GAK: variants seen among roughly 807,000 people sequenced by gnomAD.
GAK encodes the protein cyclin-G-associated kinase.
A neutral mutation model predicts 143.9 loss-of-function variants in GAK; 79 were observed. The ratio of observed to expected loss-of-function variants is 0.55; its 90% CI spans 0.46 to 0.66. The LOEUF (loss-of-function observed/expected upper bound fraction) is 0.66. Among genes scored for constraint, GAK ranks in the 30% least tolerant of loss-of-function variants. GAK has a pLI of 0.00. For synonymous variants in GAK, 881 were observed against 765.5 expected, an observed-to-expected ratio of 1.15 and a Z score of -2.49; for missense variants, 1,693 against 1,779.7, an observed-to-expected ratio of 0.95 and a Z score of 0.88.
intron 17 of GAK, among the ~76,000 whole-genome samples, chr4:876,885 G>T (rs540387406): frequency 2.6e-5 from 4 of 152,384 alleles, no homozygotes; most frequent in Non-Finnish European, 5.9e-5. Context: ...GGAAACGCCA[G>T]GCTTTTCAGG....
intron 17 of GAK, 87 bp from the exon 18 acceptor site, chr4:876,696 C>G (rs571275924): frequency 6.4e-4 from 736 of 1,141,524 alleles, no homozygotes; most frequent in Admixed American, 1.5e-3. Context: ...TGGGCGAGAT[C>G]TGAGAGCGGC....
chr4:855,166 T>G (rs968427981), intron 24 of GAK, among the ~76,000 whole-genome samples: 22 of 152,198 alleles, frequency 1.4e-4, no homozygotes, highest in Non-Finnish European at 2.8e-4. Context: ...AGGCTACAGA[T>G]GCACACAGGA....
In GAK at chr4:898,819, C is replaced by T. The variant is rs375090712; in HGVS notation, c.526-661G>A. ...CGGAGGCTGCAGTGAACCGAGATTG[C>T]GCCGCTGCACTCCAGCCTGGGTGAC... On this transcript the variant is annotated intron_variant, in intron 5 of 27. Coordinates refer to ENST00000314167, the MANE Select transcript of GAK (RefSeq NM_005255.4). Among the ~76,000 whole-genome samples, 40 of 152,066 alleles carry T rather than the reference C, an allele frequency of 2.6e-4. 2 individuals are homozygous for T. The highest frequency in any genetic ancestry group is 1.2e-3 in the Admixed American group (19 of 15,278).
chr4:849,833 G>GGGGCGGGCCCCCCCC, intron 27 of GAK, 59 bp from the exon 28 acceptor site: 1 of 1,190,154 alleles, frequency 8.4e-7, no homozygotes, highest in Non-Finnish European at 1.2e-6. Context: ...GGCGGGGCAG[G>GGGGCGGGCCCCCCCC]ACCCCCCCCC....
intron 14 of GAK, 145 bp downstream of exon 14, chr4:882,552 A>C (rs1257334354): frequency 2.8e-6 from 3 of 1,074,684 alleles, no homozygotes; most frequent in Non-Finnish European, 4.0e-6. Flanking sequence ...CCAGACCCAA[A>C]GACACCAAGC....
intron 1 of GAK, among the ~76,000 whole-genome samples, chr4:926,762 T>G (rs1724814865): frequency 6.6e-6 from 1 of 151,892 alleles, no homozygotes; most frequent in African/African-American, 2.4e-5. Flanking sequence ...AATCTGGGCC[T>G]CACAGGCCTG....
At chr4:859,528 AG>A in intron 24 of GAK, 77 bp downstream of exon 24, 1 of 1,595,074 alleles carries the variant, frequency 6.3e-7, no homozygotes, top group Non-Finnish European at 8.6e-7. Flanking sequence ...CACTTTGGGC[AG>A]CTCAGAGTCA....
At chr4:849,833 G>GGGCCCCCCCCCCCCCCC in intron 27 of GAK, 59 bp from the exon 28 acceptor site, 3 of 1,190,152 alleles carry the variant, frequency 2.5e-6, no homozygotes, top group Non-Finnish European at 3.5e-6. Context: ...GGCGGGGCAG[G>GGGCCCCCCCCCCCCCCC]ACCCCCCCCC....
intron 15 of GAK, among the ~76,000 whole-genome samples, chr4:880,909 G>A (rs945355029): frequency 1.3e-5 from 2 of 152,160 alleles, no homozygotes; most frequent in Non-Finnish European, 2.9e-5. Flanking sequence ...TGCTGAACAG[G>A]CCCCACCGCA....
intron 24 of GAK, among the ~76,000 whole-genome samples, chr4:857,528 G>C (rs188519721): frequency 1.3e-5 from 2 of 152,334 alleles, no homozygotes; most frequent in East Asian, 3.9e-4. Flanking sequence ...TATTGGGTAA[G>C]TTGTGGCAGG....
chr4:885,764 T>A (rs1716210030), intron 11 of GAK: 1 of 65,634 alleles, frequency 1.5e-5, no homozygotes, highest in Non-Finnish European at 3.4e-5. Context: ...TCACTGTCCT[T>A]TTTTTTTTTT....
intron 8 of GAK, 94 bp from the exon 9 acceptor site, chr4:893,583 T>G: frequency 1.2e-6 from 1 of 862,236 alleles, no homozygotes; most frequent in Non-Finnish European, 1.7e-6. Flanking sequence ...CAGAGGCCAC[T>G]CCCTCTACAC....
intron 24 of GAK, chr4:859,306 G>A: frequency 7.5e-7 from 1 of 1,325,250 alleles, no homozygotes. Flanking sequence ...CTTCCATGCA[G>A]AGACCCCGCC....
At chr4:912,570 C>G in intron 3 of GAK, 165 bp downstream of exon 3, 1 of 558,324 alleles carries the variant, frequency 1.8e-6, no homozygotes, top group South Asian at 2.4e-5. Flanking sequence ...ACTGCTTCTT[C>G]CTAGAAGTCG....
intron 1 of GAK, among the ~76,000 whole-genome samples, chr4:915,001 C>T (rs1722868506): frequency 7.0e-6 from 1 of 142,260 alleles, no homozygotes; most frequent in Non-Finnish European, 1.5e-5. Context: ...CCCCAACACA[C>T]ACAGCCCCAG....
At chr4:872,327 C>T (rs529648752) in intron 18 of GAK, 7 of 152,342 alleles carry the variant, frequency 4.6e-5, no homozygotes, top group South Asian at 2.1e-4. Flanking sequence ...TGGCCACGGC[C>T]GAAGCCGGGA....
At chr4:853,960 G>C (rs1225388741) in intron 24 of GAK, 1 of 152,142 alleles carries the variant, frequency 6.6e-6, no homozygotes, top group Non-Finnish European at 1.5e-5. Flanking sequence ...ACCACGTCCA[G>C]CTAATTTTTG....
chr4:884,191 A>G (rs1234202727), intron 11 of GAK, 105 bp from the exon 12 acceptor site: 2 of 952,262 alleles, frequency 2.1e-6, no homozygotes, highest in Non-Finnish European at 3.3e-6. Context: ...TGGGGCTCTC[A>G]CTGTAGAGGC....
In GAK at chr4:868,653, T is replaced by C; in HGVS notation, c.2281A>G (p.Thr761Ala). The C allele has an allele frequency of 6.4e-7, 1 of 1,558,526 alleles. No individual in the cohort carries two copies. The highest frequency in any genetic ancestry group is 8.7e-7 in the Non-Finnish European group (1 of 1,151,640). The change falls in exon 20 of 28, where the codon ACG becomes GCG. Residue 761 changes from threonine (T) to alanine (A), a missense_variant. Physicochemically the swap from Thr to Ala is moderately conservative, Grantham distance 58 (BLOSUM62 0). Coordinates refer to ENST00000314167, the MANE Select transcript of GAK (RefSeq NM_005255.4). ...CCTGCCCCAGCATCATACTGAGCCG[T>C]GGAGCCAGGCTGCCGGGGAAGCTCC... ...KPELPRQPGS[T>A]AQYDAGAGSP...
Sources: gnomAD v4.1 joint callset for allele counts (sites outside exome capture counted in the v4.1 genomes callset) on GRCh38, gnomAD v4.1.1 for gene constraint, MANE v1.5 for transcripts, NCBI Gene and HGNC (gene_info 2026-07-23, HGNC 2026-07-21) for gene names.